The following SLC25A12 variants were observed in gnomAD, a reference collection of about 807,000 sequenced individuals.
SLC25A12 encodes the protein solute carrier family 25 member 12, also known as electrogenic aspartate/glutamate antiporter SLC25A12, mitochondrial.
SLC25A12 carries 32 observed loss-of-function variants against 83.3 expected under a neutral mutation model. The observed-to-expected ratio is 0.38, with a 90% CI of 0.29 to 0.52. The LOEUF (loss-of-function observed/expected upper bound fraction) is 0.52. SLC25A12 is among the 20% of genes least tolerant of loss of function. The pLI is 0.84. For missense variants in SLC25A12, 611 were observed against 835.6 expected, an observed-to-expected ratio of 0.73 and a Z score of 3.31; for synonymous variants, 267 against 291.1, an observed-to-expected ratio of 0.92 and a Z score of 0.84.
At chr2:171,857,684 A>T (rs1349912113) in intron 3 of SLC25A12, among the ~76,000 whole-genome samples, 1 of 151,830 alleles carries the variant, frequency 6.6e-6, no homozygotes, top group East Asian at 1.9e-4. Context: ...GACCCTGTTT[A>T]AAAAAAAATT....
At chr2:171,796,775 T>C (rs1457047802) in intron 13 of SLC25A12, among the ~76,000 whole-genome samples, 3 of 152,246 alleles carry the variant, frequency 2.0e-5, no homozygotes, top group African/African-American at 7.2e-5. Flanking sequence ...GCAGTTACTT[T>C]TGTACCAACG....
chr2:171,787,169 A>T (rs2105831755), intron 17 of SLC25A12, among the ~76,000 whole-genome samples: 1 of 152,234 alleles, frequency 6.6e-6, no homozygotes, highest in East Asian at 1.9e-4. Context: ...ATAAAAAAGT[A>T]CAAAAATTAG....
intron 4 of SLC25A12, among the ~76,000 whole-genome samples, chr2:171,851,726 G>C (rs1351923931): frequency 6.6e-6 from 1 of 151,884 alleles, no homozygotes; most frequent in African/African-American, 2.4e-5. Flanking sequence ...GTAGAGATGG[G>C]GTTTCACCAT....
At chr2:171,790,986 G>C (rs1683439972) in intron 15 of SLC25A12, among the ~76,000 whole-genome samples, 1 of 152,146 alleles carries the variant, frequency 6.6e-6, no homozygotes, top group Non-Finnish European at 1.5e-5. Context: ...GAAGAAGAGG[G>C]ACAGCTTCAC....
chr2:171,890,812 C>A (rs1685917365), intron 2 of SLC25A12, among the ~76,000 whole-genome samples: 1 of 152,008 alleles, frequency 6.6e-6, no homozygotes, highest in Admixed American at 6.6e-5. Flanking sequence ...CTGCGTTAGG[C>A]CTTTCTGAAG....
chr2:171,826,381 G>A (rs1191509069), intron 9 of SLC25A12, among the ~76,000 whole-genome samples: 1 of 152,218 alleles, frequency 6.6e-6, no homozygotes, highest in Non-Finnish European at 1.5e-5. Context: ...GCCGAGGCAG[G>A]TGGATCACCT....
intron 2 of SLC25A12, among the ~76,000 whole-genome samples, chr2:171,874,874 A>G (rs1312683610): frequency 6.6e-6 from 1 of 152,178 alleles, no homozygotes; most frequent in Non-Finnish European, 1.5e-5. Flanking sequence ...ATTTCACACC[A>G]ACTTCCTAGA....
chr2:171,834,210 T>A, intron 7 of SLC25A12, 154 bp from the exon 8 acceptor site: 1 of 598,888 alleles, frequency 1.7e-6, no homozygotes, highest in Admixed American at 2.9e-5. Flanking sequence ...AGTTCAACTA[T>A]ACAAGAATAT....
chr2:171,878,549 T>G (rs953975626), intron 2 of SLC25A12, among the ~76,000 whole-genome samples: 1 of 152,184 alleles, frequency 6.6e-6, no homozygotes, highest in Non-Finnish European at 1.5e-5. Context: ...CTTCCAGTAT[T>G]CCTGGGCTTA....
At chr2:171,842,853 G>A (rs1229027261) in intron 5 of SLC25A12, among the ~76,000 whole-genome samples, 6 of 151,930 alleles carry the variant, frequency 3.9e-5, no homozygotes, top group Admixed American at 6.6e-5. Context: ...ATGGAGTCTC[G>A]CTCTGTCACC....
intron 8 of SLC25A12, among the ~76,000 whole-genome samples, chr2:171,827,522 C>T (rs72885529): frequency 0.21 from 32,483 of 152,014 alleles, 4,157 homozygotes; most frequent in East Asian, 0.57. Flanking sequence ...GCCTTCACTT[C>T]AGCCTCCGAT....
At chr2:171,863,934 G>C (rs1685224844) in intron 3 of SLC25A12, among the ~76,000 whole-genome samples, 1 of 152,168 alleles carries the variant, frequency 6.6e-6, no homozygotes, top group South Asian at 2.1e-4. Context: ...ATTTATAAAT[G>C]ATATAAAATC....
At chr2:171,832,418 T>C (rs1253819545) in intron 8 of SLC25A12, among the ~76,000 whole-genome samples, 1 of 152,208 alleles carries the variant, frequency 6.6e-6, no homozygotes, top group Non-Finnish European at 1.5e-5. Flanking sequence ...CTAACCCATA[T>C]GTTCACCATA....
intron 4 of SLC25A12, among the ~76,000 whole-genome samples, chr2:171,851,019 T>G (rs139501703): frequency 0.011 from 1,630 of 152,314 alleles, 17 homozygotes; most frequent in Middle Eastern, 0.014. Flanking sequence ...TTGAGGTTTC[T>G]TCAGTCAGAG....
At chr2:171,798,934 G>A (rs1171382991) in intron 13 of SLC25A12, among the ~76,000 whole-genome samples, 1 of 152,176 alleles carries the variant, frequency 6.6e-6, no homozygotes, top group Non-Finnish European at 1.5e-5. Flanking sequence ...TTTGGGAGGT[G>A]ATTAAGTCAT....
At chr2:171,839,642 G>A (rs1684631651) in intron 5 of SLC25A12, among the ~76,000 whole-genome samples, 1 of 151,948 alleles carries the variant, frequency 6.6e-6, no homozygotes, top group South Asian at 2.1e-4. Context: ...GAAACGCAAG[G>A]ACAAAGACAA....
At chr2:171,861,647 A>G (rs1436102264) in intron 3 of SLC25A12, among the ~76,000 whole-genome samples, 1 of 152,120 alleles carries the variant, frequency 6.6e-6, no homozygotes, top group Non-Finnish European at 1.5e-5. Context: ...GCCTCAGGAG[A>G]TCCTCCTGCC....
intron 3 of SLC25A12, among the ~76,000 whole-genome samples, chr2:171,866,934 G>T (rs1209900976): frequency 2.0e-5 from 3 of 150,458 alleles, no homozygotes; most frequent in Non-Finnish European, 3.0e-5. Flanking sequence ...TTGCCAGGCG[G>T]AGGGTCTCCT....
chr2:171,787,526 T>G (rs1200641101), intron 17 of SLC25A12, 45 bp downstream of exon 17: 1 of 1,403,020 alleles, frequency 7.1e-7, no homozygotes, highest in Non-Finnish European at 1.0e-6. Context: ...ACATTTGTTT[T>G]GGACTTAGTG....
Sources: gnomAD v4.1 joint callset for allele counts (sites outside exome capture counted in the v4.1 genomes callset) on GRCh38, gnomAD v4.1.1 for gene constraint, MANE v1.5 for transcripts, NCBI Gene and HGNC (gene_info 2026-07-23, HGNC 2026-07-21) for gene names.